The following CBLB variants were observed in gnomAD, a reference collection of about 807,000 sequenced individuals.
CBLB encodes the protein Cbl proto-oncogene B.
CBLB carries 31 observed loss-of-function variants against 104.9 expected under a neutral mutation model. That is an observed-to-expected ratio of 0.30 (90% CI 0.22 to 0.40). The LOEUF (loss-of-function observed/expected upper bound fraction) is 0.40. CBLB is among the 10% of genes least tolerant of loss of function. The pLI is 1.00. For synonymous variants in CBLB, 440 were observed against 422.6 expected (o/e 1.04, Z -0.51); for missense variants, 1,062 against 1,214.6 (o/e 0.87, Z 1.87).
intron 4 of CBLB, 118 bp from the exon 5 acceptor site, chr3:105,751,736 C>A (rs2076609740): frequency 6.4e-6 from 5 of 780,376 alleles, no homozygotes; most frequent in African/African-American, 1.7e-5. Flanking sequence ...TACTACCAGA[C>A]AAATATTTGA....
At chr3:105,783,619 C>T (rs1290981125) in intron 3 of CBLB, among the ~76,000 whole-genome samples, 1 of 152,056 alleles carries the variant, frequency 6.6e-6, no homozygotes. Context: ...GAATCCTATA[C>T]CCAATGAATT....
chr3:105,719,639 C>T (rs1227500204), intron 10 of CBLB, among the ~76,000 whole-genome samples: 3 of 152,138 alleles, frequency 2.0e-5, no homozygotes, highest in African/African-American at 4.8e-5. Context: ...TACTTGTGTA[C>T]AGTACATAAT....
intron 12 of CBLB, among the ~76,000 whole-genome samples, chr3:105,701,876 G>A (rs978481050): frequency 6.6e-6 from 1 of 151,964 alleles, no homozygotes; most frequent in African/African-American, 2.4e-5. Flanking sequence ...ATTGTCTAGT[G>A]TCTTCACATT....
chr3:105,831,826 A>T (rs2087573800), intron 3 of CBLB, among the ~76,000 whole-genome samples: 1 of 152,108 alleles, frequency 6.6e-6, no homozygotes, highest in Non-Finnish European at 1.5e-5. Context: ...AACATACCTC[A>T]GAACTGAAAT....
rs199677577 is a variant in CBLB at position 105,685,293 on chromosome 3, GT to G, written c.2201+26del. The G allele has an allele frequency of 4.5e-5, 72 of 1,598,574 alleles. No individual in the cohort carries two copies. In the East Asian group the frequency reaches 1.6e-3, roughly 36 times the overall value. ...AATGATAATGCTTATGCAGATGTAA[GT>G]GGCAAAAATCTGCCCATACTCTTAC... On this transcript the variant is annotated intron_variant, in intron 14 of 18. Coordinates refer to ENST00000394030, the MANE Select transcript of CBLB (RefSeq NM_170662.5).
intron 3 of CBLB, among the ~76,000 whole-genome samples, chr3:105,844,142 A>G (rs1243709896): frequency 6.6e-6 from 1 of 152,230 alleles, no homozygotes; most frequent in Non-Finnish European, 1.5e-5. Context: ...TTACGCTGCC[A>G]TAAGCTAAGG....
At position 105,751,530 on chromosome 3, in the gene CBLB, T is replaced by G; in HGVS notation, c.655A>C (p.Thr219Pro). The G allele has an allele frequency of 3.1e-6, 5 of 1,610,444 alleles. No individual in the cohort carries two copies. The highest frequency in any genetic ancestry group is 4.2e-6 in the Non-Finnish European group (5 of 1,176,808). Residue 219 changes from threonine (T) to proline (P), a missense_variant, in exon 5 of 19, where the codon ACA becomes CCA. Physicochemically the swap from Thr to Pro is conservative, Grantham distance 38. Transcript: ENST00000394030. ...TAATCATTGCAAGTTAAATCAATTGTTGATTTTAGAGCCATTGCTTCCAGG... is the reference window on the plus strand; with the variant it reads ...TAATCATTGCAAGTTAAATCAATTGGTGATTTTAGAGCCATTGCTTCCAGG... ...SGLEAMALKS[T>P]IDLTCNDYIS...
intron 3 of CBLB, among the ~76,000 whole-genome samples, chr3:105,800,680 C>T (rs1398919798): frequency 1.4e-5 from 2 of 147,362 alleles, no homozygotes; most frequent in Non-Finnish European, 3.1e-5. Flanking sequence ...TATACACAAA[C>T]CCCCCCACCC....
chr3:105,853,183 G>C (rs2091180297), intron 3 of CBLB, among the ~76,000 whole-genome samples: 1 of 152,146 alleles, frequency 6.6e-6, no homozygotes, highest in South Asian at 2.1e-4. Flanking sequence ...GTGTGCGGTA[G>C]GTAATACCAT....
At position 105,849,113 on chromosome 3, in the gene CBLB, C is replaced by T. The variant is rs145667456; in HGVS notation, c.419+4301G>A. Reference sequence around the variant, plus strand: ...CCTCAGAGCTCCATGTGCAATGGCACATTTTAGACTCAGTTTGCATTTGGA... The same window carrying T: ...CCTCAGAGCTCCATGTGCAATGGCATATTTTAGACTCAGTTTGCATTTGGA... On this transcript the variant is annotated intron_variant, in intron 3 of 18. Coordinates refer to ENST00000394030, the MANE Select transcript of CBLB (RefSeq NM_170662.5). Among the ~76,000 whole-genome samples, 220 of 152,244 alleles carry T rather than the reference C, an allele frequency of 1.4e-3. 1 individual carries two copies. The highest frequency in any genetic ancestry group is 2.1e-3 in the Non-Finnish European group (146 of 67,988).
intron 18 of CBLB, among the ~76,000 whole-genome samples, chr3:105,667,174 G>A (rs1299294982): frequency 6.6e-6 from 1 of 152,024 alleles, no homozygotes; most frequent in Non-Finnish European, 1.5e-5. Context: ...GTCTTTTAAT[G>A]GTTTCAAACA....
At chr3:105,753,388 G>T (rs1003832294) in intron 4 of CBLB, among the ~76,000 whole-genome samples, 1 of 148,932 alleles carries the variant, frequency 6.7e-6, no homozygotes, top group African/African-American at 2.5e-5. Flanking sequence ...AAAAAAAAAG[G>T]AACACTTTTA....
intron 3 of CBLB, among the ~76,000 whole-genome samples, chr3:105,780,661 T>TTG (rs386397484): frequency 1.7e-4 from 2 of 11,938 alleles, no homozygotes; most frequent in Admixed American, 8.1e-4. Flanking sequence ...TTGTTTTTTG[T>TTG]TTTTTTTTTT....
At chr3:105,826,167 A>G (rs923870714) in intron 3 of CBLB, among the ~76,000 whole-genome samples, 2 of 152,162 alleles carry the variant, frequency 1.3e-5, no homozygotes, top group Non-Finnish European at 2.9e-5. Flanking sequence ...AGTTAATTGT[A>G]CAACTCATGT....
chr3:105,671,349 G>C (rs1043230603), intron 17 of CBLB: 1 of 214,338 alleles, frequency 4.7e-6, no homozygotes, highest in Non-Finnish European at 9.4e-6. Flanking sequence ...TTCTTCTGAG[G>C]ACAGGGATCT....
At chr3:105,797,773 T>C (rs2082402452) in intron 3 of CBLB, among the ~76,000 whole-genome samples, 1 of 152,258 alleles carries the variant, frequency 6.6e-6, no homozygotes. Flanking sequence ...TTCAAATTTG[T>C]AATGTGATTC....
At chr3:105,698,328 T>C (rs771820143) in intron 12 of CBLB, among the ~76,000 whole-genome samples, 2 of 151,984 alleles carry the variant, frequency 1.3e-5, no homozygotes, top group Non-Finnish European at 1.5e-5. Flanking sequence ...TTCATTGTTC[T>C]AGTGACAATG....
At chr3:105,803,206 C>A (rs1478166319) in intron 3 of CBLB, among the ~76,000 whole-genome samples, 2 of 152,138 alleles carry the variant, frequency 1.3e-5, no homozygotes, top group Non-Finnish European at 2.9e-5. Context: ...GTGATAATTA[C>A]CCAAGAGATT....
chr3:105,763,097 T>C (rs960489408), intron 4 of CBLB, among the ~76,000 whole-genome samples: 8 of 152,192 alleles, frequency 5.3e-5, no homozygotes, highest in African/African-American at 1.9e-4. Flanking sequence ...GTAGACCCTT[T>C]GTTTTGGCCA....
Sources: allele counts gnomAD v4.1 joint callset (sites outside exome capture counted in the v4.1 genomes callset), GRCh38; gene constraint gnomAD v4.1.1; transcripts MANE v1.5; gene names NCBI Gene and HGNC (gene_info 2026-07-23, HGNC 2026-07-21).